Variants in LRP1B observed in about 807,000 individuals in gnomAD.
LRP1B encodes LDL receptor related protein 1B, also known as low-density lipoprotein receptor-related protein 1B.
A neutral mutation model predicts 556.6 loss-of-function variants in LRP1B; 217 were observed. The observed-to-expected ratio is 0.39, with a 90% CI of 0.35 to 0.44. LRP1B has a LOEUF of 0.44. Among genes scored for constraint, LRP1B ranks in the 20% least tolerant of loss-of-function variants. LRP1B has a pLI of 1.00. For missense variants in LRP1B, 5,053 were observed against 5,620.8 expected (o/e 0.90, Z 3.23); for synonymous variants, 2,047 against 1,865.8 (o/e 1.10, Z -2.50).
intron 49 of LRP1B, among the ~76,000 whole-genome samples, chr2:140,521,092 G>C (rs963516425): frequency 3.3e-5 from 5 of 151,950 alleles, no homozygotes; most frequent in African/African-American, 1.2e-4. Context: ...ATTCATGAGA[G>C]AGAAGAGAAA....
intron 2 of LRP1B, among the ~76,000 whole-genome samples, chr2:141,542,191 A>G (rs1006280493): frequency 5.9e-5 from 9 of 152,064 alleles, no homozygotes; most frequent in Admixed American, 3.3e-4. Context: ...TGAACAAGTT[A>G]CTTAACATCT....
intron 56 of LRP1B, among the ~76,000 whole-genome samples, chr2:140,494,085 T>G (rs1688814550): frequency 6.6e-6 from 1 of 152,192 alleles, no homozygotes; most frequent in Admixed American, 6.5e-5. Context: ...AAAAAATCTC[T>G]GTAGTGCAAG....
chr2:140,442,560 A>T lies in LRP1B; in HGVS notation c.10358T>A (p.Leu3453Gln), dbSNP rs772717539. 18 of 1,613,924 alleles carry T rather than the reference A, an allele frequency of 1.1e-5. No individual in the cohort carries two copies. Among genetic ancestry groups the T allele is most frequent in the Non-Finnish European group, 1.5e-5 (18 of 1,179,918 alleles). Residue 3453 changes from leucine (L) to glutamine (Q), a missense_variant, in exon 66 of 91, where the codon CTG becomes CAG. By Grantham distance (113) the Leu-to-Gln change is moderately radical. Transcript: ENST00000389484. ...GTCTGGATCCTCGTCACAAACCCACAGCTTGGAAATGCAATGCTTCGTAGT... is the reference window on the plus strand; with the variant it reads ...GTCTGGATCCTCGTCACAAACCCACTGCTTGGAAATGCAATGCTTCGTAGT... ...CKTTKHCISKLWVCDEDPDCA... is the reference protein window; with the variant it reads ...CKTTKHCISKQWVCDEDPDCA...
At chr2:141,762,918 T>C (rs1276583515) in intron 2 of LRP1B, among the ~76,000 whole-genome samples, 1 of 152,222 alleles carries the variant, frequency 6.6e-6, no homozygotes, top group Admixed American at 6.5e-5. Flanking sequence ...TTTGAAAATG[T>C]GAACTGCTAT....
intron 27 of LRP1B, among the ~76,000 whole-genome samples, chr2:140,853,257 G>A (rs1354421334): frequency 2.0e-5 from 3 of 152,064 alleles, no homozygotes; most frequent in South Asian, 4.2e-4. Flanking sequence ...GAAGACACAG[G>A]GACACAGAAA....
At chr2:140,960,463 T>C (rs1433306542) in intron 18 of LRP1B, among the ~76,000 whole-genome samples, 1 of 151,874 alleles carries the variant, frequency 6.6e-6, no homozygotes, top group African/African-American at 2.4e-5. Flanking sequence ...AATCACAGTG[T>C]CATTAAGTGT....
intron 85 of LRP1B, 99 bp downstream of exon 85, chr2:140,274,325 G>A (rs937160120): frequency 6.0e-5 from 65 of 1,089,486 alleles, no homozygotes; most frequent in Non-Finnish European, 8.2e-5. Flanking sequence ...CGGAATTTTA[G>A]AATAAAAACA....
intron 43 of LRP1B, among the ~76,000 whole-genome samples, chr2:140,587,880 TTAA>T (rs948124142): frequency 7.2e-5 from 11 of 151,846 alleles, no homozygotes; most frequent in Admixed American, 7.2e-4. Flanking sequence ...GAAAACAATT[TTAA>T]TAATAATAGA....
At chr2:141,181,364 A>G (rs1171174496) in intron 7 of LRP1B, among the ~76,000 whole-genome samples, 3 of 151,956 alleles carry the variant, frequency 2.0e-5, no homozygotes, top group South Asian at 4.1e-4. Flanking sequence ...TAACCGAACT[A>G]TATGTAGTTG....
rs573943077 is a variant in LRP1B, at chr2:140,652,433, A to G, written c.6799+47817T>C. ...TTGCACAAGAAAAGTTTTTTAAAAA[A>G]GCATATTATCAGAAAAATTAGGGAG... is the stretch of plus-strand genomic sequence containing the variant. On this transcript the variant is annotated intron_variant, in intron 41 of 90. Transcript: ENST00000389484. Among the ~76,000 whole-genome samples, 11 of 152,238 alleles carry G rather than the reference A, an allele frequency of 7.2e-5. No individual in the cohort carries two copies. In the East Asian group the frequency reaches 2.1e-3, roughly 29 times the overall value.
chr2:141,207,076 C>G (rs1452271373), intron 6 of LRP1B, among the ~76,000 whole-genome samples: 2 of 152,136 alleles, frequency 1.3e-5, no homozygotes, highest in Admixed American at 6.5e-5. Context: ...TTGATAAAGA[C>G]CACAGAAATA....
intron 84 of LRP1B, among the ~76,000 whole-genome samples, chr2:140,290,910 G>A (rs1683343675): frequency 1.3e-5 from 2 of 152,024 alleles, no homozygotes; most frequent in Admixed American, 6.6e-5. Flanking sequence ...AAAGCTAAAA[G>A]CTGTGGTTCC....
intron 1 of LRP1B, among the ~76,000 whole-genome samples, chr2:141,913,569 C>G (rs1699959268): frequency 6.6e-6 from 1 of 151,978 alleles, no homozygotes; most frequent in Non-Finnish European, 1.5e-5. Context: ...TTCTTCCTAC[C>G]TCATCTTAGC....
chr2:141,707,170 G>A (rs1183746880), intron 2 of LRP1B, among the ~76,000 whole-genome samples: 1 of 152,044 alleles, frequency 6.6e-6, no homozygotes, highest in Admixed American at 6.6e-5. Context: ...TTTACCTTCT[G>A]GAATGTGTGA....
At position 141,480,410 on chromosome 2, in the gene LRP1B, C is replaced by T. The variant is rs1682874400; in HGVS notation, c.329G>A (p.Gly110Glu). ...AATGGACTCACCCTGACAATGTACT[C>T]CTTCGTCATACCCATCTGGGCAGTC... ...VLDCPDGYDE[G>E]VHCQELLSNC... Residue 110 changes from glycine (G) to glutamate (E), a missense_variant, in exon 3 of 91, where the codon GGA becomes GAA. This residue lies in a region of LRP1B where 3,619 missense variants were observed against 3,931.9 expected (regional missense o/e 0.92). Coordinates refer to ENST00000389484, the MANE Select transcript of LRP1B (RefSeq NM_018557.3). 6.2e-7 allele frequency: 1 copy of T among 1,613,750 alleles called. No individual in the cohort carries two copies. The highest frequency in any genetic ancestry group is 2.2e-5 in the East Asian group (1 of 44,844).
At position 140,702,199 on chromosome 2, in the gene LRP1B, T is replaced by C; in HGVS notation, c.6244A>G (p.Ser2082Gly). The C allele has an allele frequency of 6.2e-7, 1 of 1,613,756 alleles. No homozygotes were observed. The highest frequency in any genetic ancestry group is 1.3e-5 in the African/African-American group (1 of 75,020). The change falls in exon 39 of 91, where the codon AGC (serine) becomes GGC (glycine). Residue 2082 changes from serine (S) to glycine (G), a missense_variant. Around this residue, in one of 5 missense-constraint regions of LRP1B, gnomAD observed 3,619 missense variants for 3,931.9 expected, o/e 0.92. Transcript: ENST00000389484. ...GGNREMVLSG[S>G]NVDMFSVAVF... is the part of the protein sequence containing the mutation. ...GCAACTGAAAACATATCCACATTGC[T>C]TCCTGACAGCACCATCTCGCGATTC... is the stretch of plus-strand genomic sequence containing the variant.
At chr2:140,319,275 TAACA>T (rs1421668067) in intron 82 of LRP1B, among the ~76,000 whole-genome samples, 5 of 152,254 alleles carry the variant, frequency 3.3e-5, no homozygotes, top group African/African-American at 9.6e-5. Context: ...ACAATACTTG[TAACA>T]TCAGAGCCAA....
chr2:141,846,825 C>A (rs1237811256), intron 1 of LRP1B, among the ~76,000 whole-genome samples: 1 of 151,154 alleles, frequency 6.6e-6, no homozygotes, highest in African/African-American at 2.4e-5. Context: ...AATCTAAAAC[C>A]AGCATTTTTC....
At chr2:141,467,648 G>A (rs1274140481) in intron 3 of LRP1B, among the ~76,000 whole-genome samples, 1 of 151,998 alleles carries the variant, frequency 6.6e-6, no homozygotes. Flanking sequence ...AGTTATTGCT[G>A]CTTCTCTATT....
Sources: allele counts gnomAD v4.1 joint callset (sites outside exome capture counted in the v4.1 genomes callset), GRCh38; gene constraint gnomAD v4.1.1; regional missense constraint gnomAD v4.1.1; transcripts MANE v1.5; gene names NCBI Gene and HGNC (gene_info 2026-07-23, HGNC 2026-07-21).